The following ZNF277 variants were observed in gnomAD, a reference collection of about 807,000 sequenced individuals.
ZNF277 encodes the protein zinc finger protein 277, also known as nuclear receptor-interacting factor 4.
ZNF277 carries 55 observed loss-of-function variants against 60.7 expected under a neutral mutation model. The observed-to-expected ratio is 0.91, with a 90% CI of 0.73 to 1.13. The LOEUF (loss-of-function observed/expected upper bound fraction) is 1.13. ZNF277 is among the 50% of genes most tolerant of loss of function. The probability of loss-of-function intolerance (pLI) is 0.00; values close to 1 mark genes in which losing one functional copy is unlikely to be tolerated. For missense variants in ZNF277, 510 were observed against 523.0 expected, an observed-to-expected ratio of 0.98 and a Z score of 0.24; for synonymous variants, 178 against 179.3, an observed-to-expected ratio of 0.99 and a Z score of 0.06.
Position 112,206,804 on chromosome 7 carries a change from G to T in ZNF277, c.88G>T (p.Gly30Trp). 6.2e-7 allele frequency: 1 copy of T among 1,613,128 alleles called. No homozygotes were observed. The highest frequency in any genetic ancestry group is 8.5e-7 in the Non-Finnish European group (1 of 1,179,616). The change falls in exon 1 of 12, where the codon GGG (glycine) becomes TGG (tryptophan). Residue 30 changes from glycine to tryptophan, a missense_variant. Physicochemically the swap from Gly to Trp is radical, Grantham distance 184. Transcript: ENST00000361822. ...SCSTVGGVGY[G>W]DSKDCILEPL... ...CAGCACAGTCGGGGGTGTAGGTTAT[G>T]GGGGTGAGTACGGTGCCCCGGAGGC...
chr7:112,257,503 T>C (rs1481652956), intron 1 of ZNF277, among the ~76,000 whole-genome samples: 2 of 152,020 alleles, frequency 1.3e-5, no homozygotes, highest in Non-Finnish European at 2.9e-5. Flanking sequence ...GTAACAGAAA[T>C]GAGGGAAGTG....
chr7:112,310,802 C>T (rs1792713582), intron 4 of ZNF277, among the ~76,000 whole-genome samples: 1 of 152,032 alleles, frequency 6.6e-6, no homozygotes, highest in African/African-American at 2.4e-5. Flanking sequence ...GAATGCCTAG[C>T]TGGTTCTGCC....
At chr7:112,216,611 G>A (rs562783804) in intron 1 of ZNF277, among the ~76,000 whole-genome samples, 1 of 152,280 alleles carries the variant, frequency 6.6e-6, no homozygotes, top group East Asian at 1.9e-4. Context: ...CCGACTGACT[G>A]TGATTTTAGA....
At chr7:112,335,334 T>A (rs1021166516) in intron 7 of ZNF277, among the ~76,000 whole-genome samples, 1 of 152,012 alleles carries the variant, frequency 6.6e-6, no homozygotes, top group African/African-American at 2.4e-5. Context: ...AATGGGAAGA[T>A]TGGATAGAAA....
intron 1 of ZNF277, among the ~76,000 whole-genome samples, chr7:112,259,205 T>C (rs541462748): frequency 2.0e-4 from 31 of 152,232 alleles, no homozygotes; most frequent in African/African-American, 7.2e-4. Context: ...CCCCCAAATA[T>C]AATAAAATAA....
intron 4 of ZNF277, among the ~76,000 whole-genome samples, chr7:112,315,382 G>A (rs1428837864): frequency 1.3e-5 from 2 of 151,838 alleles, no homozygotes; most frequent in Non-Finnish European, 2.9e-5. Context: ...TGTAGATGGG[G>A]GAGCCAGTTG....
At position 112,225,230 on chromosome 7, in the gene ZNF277, A is replaced by AT. The variant is rs1327686393; in HGVS notation, c.91+18424dup. Among the ~76,000 whole-genome samples, 6 of 152,334 alleles carry AT rather than the reference A, an allele frequency of 3.9e-5. No homozygotes were observed. In the Middle Eastern group the frequency reaches 0.014, roughly 345 times the overall value. ...TTGAGGCTGGAACAGAGCCAAACCA[A>AT]TGGTGGGCTTAGGGACTCCTGCCAT... On this transcript the variant is annotated intron_variant, in intron 1 of 11. Transcript: ENST00000361822.
chr7:112,315,308 G>A (rs950602594), intron 4 of ZNF277, among the ~76,000 whole-genome samples: 10 of 152,086 alleles, frequency 6.6e-5, no homozygotes, highest in African/African-American at 2.2e-4. Flanking sequence ...AGTCCCTATA[G>A]TTTTGTTCTA....
intron 1 of ZNF277, among the ~76,000 whole-genome samples, chr7:112,224,765 A>G (rs1587090308): frequency 6.6e-6 from 1 of 152,216 alleles, no homozygotes; most frequent in Admixed American, 6.5e-5. Context: ...AATATGGTCA[A>G]TGAGTCTTTG....
At chr7:112,286,778 C>G (rs1452006759) in intron 1 of ZNF277, 95 bp from the exon 2 acceptor site, 1 of 1,036,626 alleles carries the variant, frequency 9.6e-7, no homozygotes, top group African/African-American at 1.7e-5. Flanking sequence ...TCTTTAGGAT[C>G]TTTTTAATGC....
At chr7:112,311,982 C>G (rs1046536833) in intron 4 of ZNF277, among the ~76,000 whole-genome samples, 1 of 152,046 alleles carries the variant, frequency 6.6e-6, no homozygotes, top group Admixed American at 6.6e-5. Flanking sequence ...CTCCTATTAA[C>G]TACTGGAGGT....
intron 1 of ZNF277, among the ~76,000 whole-genome samples, chr7:112,285,558 C>A (rs553221113): frequency 5.3e-4 from 81 of 151,710 alleles, no homozygotes; most frequent in African/African-American, 1.9e-3. Context: ...CCTCAGCCTC[C>A]CGAGTAGTTG....
chr7:112,285,651 G>T (rs1025872050), intron 1 of ZNF277, among the ~76,000 whole-genome samples: 1 of 151,488 alleles, frequency 6.6e-6, no homozygotes, highest in Non-Finnish European at 1.5e-5. Flanking sequence ...GGCCAGGCTG[G>T]TCTCAAACTC....
intron 1 of ZNF277, among the ~76,000 whole-genome samples, chr7:112,233,748 A>G (rs1316616336): frequency 6.6e-6 from 1 of 152,208 alleles, no homozygotes; most frequent in Non-Finnish European, 1.5e-5. Context: ...ACCTCTAAAT[A>G]TTAAATCACA....
At chr7:112,213,220 T>A (rs1352261257) in intron 1 of ZNF277, among the ~76,000 whole-genome samples, 2 of 152,222 alleles carry the variant, frequency 1.3e-5, no homozygotes, top group African/African-American at 4.8e-5. Flanking sequence ...ATGTGAGACG[T>A]GACTTGCTCT....
intron 1 of ZNF277, among the ~76,000 whole-genome samples, chr7:112,254,811 A>G (rs1791273063): frequency 1.3e-5 from 2 of 152,046 alleles, no homozygotes; most frequent in Admixed American, 6.5e-5. Context: ...TGTAGAAAAA[A>G]TGTTTAAAAA....
At chr7:112,275,428 A>G (rs1791770000) in intron 1 of ZNF277, among the ~76,000 whole-genome samples, 1 of 152,204 alleles carries the variant, frequency 6.6e-6, no homozygotes, top group Non-Finnish European at 1.5e-5. Flanking sequence ...CATATAACAT[A>G]TAGTATGGTC....
chr7:112,337,689 G>A, intron 8 of ZNF277, 41 bp from the exon 9 acceptor site: 10 of 1,562,966 alleles, frequency 6.4e-6, no homozygotes, highest in Non-Finnish European at 8.8e-6. Context: ...CTCTCTTAAT[G>A]AAGGGAATCT....
intron 1 of ZNF277, among the ~76,000 whole-genome samples, chr7:112,253,005 C>A (rs1791232473): frequency 1.3e-5 from 2 of 152,096 alleles, no homozygotes; most frequent in Admixed American, 1.3e-4. Flanking sequence ...ACAGGCAAAT[C>A]ACAATATGGT....
Sources: gnomAD v4.1 joint callset for allele counts (sites outside exome capture counted in the v4.1 genomes callset) on GRCh38, gnomAD v4.1.1 for gene constraint, MANE v1.5 for transcripts, NCBI Gene and HGNC (gene_info 2026-07-23, HGNC 2026-07-21) for gene names.